Variants in ADARB1 observed in about 807,000 individuals in gnomAD.
ADARB1 encodes the protein double-stranded RNA-specific editase 1.
In ADARB1, 10 loss-of-function variants were observed where a neutral mutation model predicts 52.4. That is an observed-to-expected ratio of 0.19 (90% CI 0.12 to 0.32). The LOEUF (loss-of-function observed/expected upper bound fraction) is 0.32, where lower values mean the gene tolerates loss of function less well. Among genes scored for constraint, ADARB1 ranks in the 10% least tolerant of loss-of-function variants. The probability of loss-of-function intolerance (pLI) is 1.00; values close to 1 mark genes in which losing one functional copy is unlikely to be tolerated. For missense variants in ADARB1, 643 were observed against 922.3 expected (o/e 0.70, Z 3.92); for synonymous variants, 349 against 371.1 (o/e 0.94, Z 0.68).
intron 2 of ADARB1, among the ~76,000 whole-genome samples, chr21:45,147,304 GT>G (rs539753255): frequency 8.1e-4 from 123 of 152,256 alleles, no homozygotes; most frequent in Non-Finnish European, 1.6e-3. Context: ...AGGTTTTATT[GT>G]TTCTTATTTG....
intron 1 of ADARB1, among the ~76,000 whole-genome samples, chr21:45,080,762 C>A (rs771052822): frequency 6.6e-6 from 1 of 152,170 alleles, no homozygotes; most frequent in Non-Finnish European, 1.5e-5. Context: ...AGACTCGGTG[C>A]CTGATTTGTG....
At chr21:45,130,952 T>A (rs1244618966) in intron 2 of ADARB1, among the ~76,000 whole-genome samples, 1 of 152,218 alleles carries the variant, frequency 6.6e-6, no homozygotes, top group East Asian at 1.9e-4. Flanking sequence ...TTGACTCTTG[T>A]TGAAGCCTGG....
chr21:45,145,566 C>T (rs954378196), intron 2 of ADARB1: 2 of 152,254 alleles, frequency 1.3e-5, no homozygotes, highest in African/African-American at 4.8e-5. Context: ...GCCAGTCTCT[C>T]CCTGTGTCTG....
At chr21:45,211,843 C>T (rs2092774620) in intron 9 of ADARB1, among the ~76,000 whole-genome samples, 2 of 152,202 alleles carry the variant, frequency 1.3e-5, no homozygotes, top group Admixed American at 1.3e-4. Context: ...ATAAGCATCT[C>T]ACTCACGTCA....
At chr21:45,205,454 C>T (rs780187269) in intron 9 of ADARB1, among the ~76,000 whole-genome samples, 48 of 152,242 alleles carry the variant, frequency 3.2e-4, no homozygotes, top group Non-Finnish European at 5.1e-4. Context: ...GTCTCCGGGA[C>T]GTTTACGCTG....
intron 1 of ADARB1, among the ~76,000 whole-genome samples, chr21:45,084,168 G>A (rs1018690921): frequency 2.6e-5 from 4 of 152,340 alleles, no homozygotes; most frequent in Non-Finnish European, 5.9e-5. Context: ...CAGTTGAATT[G>A]CTTGTTGCCG....
At chr21:45,192,477 A>G (rs1382799413) in intron 8 of ADARB1, among the ~76,000 whole-genome samples, 1 of 152,102 alleles carries the variant, frequency 6.6e-6, no homozygotes, top group Non-Finnish European at 1.5e-5. Flanking sequence ...ATGTGGTGGA[A>G]GTAATGCAGT....
At chr21:45,163,420 T>G (rs2091082628) in intron 2 of ADARB1, among the ~76,000 whole-genome samples, 1 of 152,188 alleles carries the variant, frequency 6.6e-6, no homozygotes. Context: ...AGGATGAGGC[T>G]TGAGTCTGTC....
chr21:45,180,977 G>T (rs2091911336), intron 5 of ADARB1, among the ~76,000 whole-genome samples: 1 of 152,224 alleles, frequency 6.6e-6, no homozygotes, highest in Non-Finnish European at 1.5e-5. Context: ...CATCCCGCGA[G>T]TGAGAACACG....
intron 1 of ADARB1, among the ~76,000 whole-genome samples, chr21:45,111,497 G>T (rs1162589274): frequency 1.3e-5 from 2 of 152,118 alleles, no homozygotes; most frequent in Admixed American, 1.3e-4. Flanking sequence ...TTCCATGAGG[G>T]TGCACTCTTA....
intron 1 of ADARB1, among the ~76,000 whole-genome samples, chr21:45,109,363 G>A (rs2087428336): frequency 6.6e-6 from 1 of 152,236 alleles, no homozygotes; most frequent in African/African-American, 2.4e-5. Context: ...CATGAGTCCT[G>A]TGGCACCACC....
At chr21:45,102,463 A>G (rs1367820683) in intron 1 of ADARB1, among the ~76,000 whole-genome samples, 5 of 152,230 alleles carry the variant, frequency 3.3e-5, no homozygotes, top group Non-Finnish European at 5.9e-5. Flanking sequence ...CATATAAAAA[A>G]TAGAGTGAGC....
At chr21:45,149,804 G>A (rs1005600761) in intron 2 of ADARB1, among the ~76,000 whole-genome samples, 2 of 152,156 alleles carry the variant, frequency 1.3e-5, no homozygotes, top group African/African-American at 2.4e-5. Context: ...TGGTGCTCAC[G>A]GCCTAATGCG....
chr21:45,204,746 TC>T lies in ADARB1; in HGVS notation c.1747+11del. 1 of 1,611,710 alleles carries T rather than the reference TC, an allele frequency of 6.2e-7. No homozygotes were observed. The highest frequency in any genetic ancestry group is 1.1e-5 in the South Asian group (1 of 90,804). On this transcript the variant is annotated intron_variant, in intron 9 of 10. Coordinates refer to ENST00000348831, the MANE Select transcript of ADARB1 (RefSeq NM_001112.4). The surrounding 1 kb of genome is among the most constrained non-coding windows in gnomAD (Gnocchi z 4.4). ...AAGCCTTTGCTCAGTGGCAAGTATCTCTAGAGTGTGCTGATTTAATCTCTGT... is the reference window on the plus strand; with the variant it reads ...AAGCCTTTGCTCAGTGGCAAGTATCTTAGAGTGTGCTGATTTAATCTCTGT...
chr21:45,188,632 T>C (rs1346948376), intron 8 of ADARB1, among the ~76,000 whole-genome samples: 1 of 152,084 alleles, frequency 6.6e-6, no homozygotes, highest in African/African-American at 2.4e-5. Flanking sequence ...TTTTAATCCA[T>C]TTACCCAATC....
intron 8 of ADARB1, among the ~76,000 whole-genome samples, chr21:45,190,493 A>G (rs750546802): frequency 2.6e-5 from 4 of 152,080 alleles, no homozygotes; most frequent in Non-Finnish European, 4.4e-5. Flanking sequence ...TGGTTGGGCT[A>G]TGTTTTCCTG....
chr21:45,168,229 A>G (rs182054911), intron 2 of ADARB1, among the ~76,000 whole-genome samples: 32 of 152,094 alleles, frequency 2.1e-4, no homozygotes, highest in East Asian at 1.7e-3. Flanking sequence ...TATATATTCT[A>G]TTTGTTGGAT....
chr21:45,161,426 C>T (rs983802219), intron 2 of ADARB1, among the ~76,000 whole-genome samples: 3 of 152,212 alleles, frequency 2.0e-5, no homozygotes, highest in Non-Finnish European at 2.9e-5. Context: ...AAGTTGTGGC[C>T]GAGCTGGGAC....
chr21:45,081,312 G>T (rs1369787254), intron 1 of ADARB1, among the ~76,000 whole-genome samples: 1 of 152,150 alleles, frequency 6.6e-6, no homozygotes, highest in East Asian at 1.9e-4. Context: ...ACTACACACG[G>T]ACCCGGCTTA....
Sources: gnomAD v4.1 joint callset for allele counts (sites outside exome capture counted in the v4.1 genomes callset) on GRCh38, gnomAD v4.1.1 for gene constraint, Gnocchi (gnomAD v3.1) non-coding constraint, MANE v1.5 for transcripts, NCBI Gene and HGNC (gene_info 2026-07-23, HGNC 2026-07-21) for gene names.